Variants in MTHFD2L observed in about 807,000 individuals in gnomAD.
MTHFD2L encodes methylenetetrahydrofolate dehydrogenase (NADP+ dependent) 2 like.
Under a neutral mutation model 34.9 loss-of-function variants are expected in MTHFD2L, and 29 were observed. The observed-to-expected ratio is 0.83, with a 90% CI of 0.62 to 1.13. MTHFD2L has a LOEUF of 1.13. MTHFD2L is among the 50% of genes most tolerant of loss of function. The pLI, the probability that MTHFD2L is intolerant of heterozygous loss-of-function variation, is 0.00. For synonymous variants in MTHFD2L, 167 were observed against 155.7 expected (o/e 1.07, Z -0.54); for missense variants, 481 against 446.5 (o/e 1.08, Z -0.70).
At chr4:74,292,100 C>T (rs1024663109) in intron 7 of MTHFD2L, among the ~76,000 whole-genome samples, 2 of 152,118 alleles carry the variant, frequency 1.3e-5, no homozygotes, top group Non-Finnish European at 2.9e-5. Context: ...GAGCATTTCA[C>T]GAAACAGGTA....
At chr4:74,151,482 G>C (rs1723938277) in intron 1 of MTHFD2L, among the ~76,000 whole-genome samples, 2 of 152,162 alleles carry the variant, frequency 1.3e-5, no homozygotes, top group Admixed American at 1.3e-4. Context: ...TGTGGGCACT[G>C]GTTTCACACT....
intron 6 of MTHFD2L, among the ~76,000 whole-genome samples, chr4:74,266,064 C>G (rs1023619113): frequency 2.0e-5 from 3 of 152,160 alleles, no homozygotes; most frequent in African/African-American, 7.2e-5. Flanking sequence ...ACCAATGATT[C>G]AGACCATTGT....
intron 1 of MTHFD2L, among the ~76,000 whole-genome samples, chr4:74,149,496 C>T (rs745594671): frequency 5.9e-5 from 9 of 152,176 alleles, no homozygotes; most frequent in Non-Finnish European, 7.3e-5. Context: ...TTGAAGACTG[C>T]ATCCAGCTCA....
At chr4:74,168,538 C>A (rs1380426264) in intron 1 of MTHFD2L, among the ~76,000 whole-genome samples, 1 of 152,140 alleles carries the variant, frequency 6.6e-6, no homozygotes, top group Non-Finnish European at 1.5e-5. Context: ...TGTTGTTTTT[C>A]AATTTGCTTA....
intron 3 of MTHFD2L, among the ~76,000 whole-genome samples, chr4:74,188,740 GTA>G (rs3051361): frequency 0.94 from 92,185 of 98,408 alleles, 44,399 homozygotes; most frequent in Non-Finnish European, 0.99. Context: ...GTATACATAT[GTA>G]TATATATATG....
intron 6 of MTHFD2L, among the ~76,000 whole-genome samples, chr4:74,256,524 T>C (rs986710724): frequency 5.3e-5 from 8 of 152,230 alleles, no homozygotes; most frequent in Non-Finnish European, 1.2e-4. Flanking sequence ...TCTTATAGTT[T>C]GAGGCCTTAT....
At chr4:74,217,524 A>T (rs1737400157) in intron 5 of MTHFD2L, among the ~76,000 whole-genome samples, 2 of 151,656 alleles carry the variant, frequency 1.3e-5, no homozygotes. Context: ...TCTCCTTTAA[A>T]CCACACCGTG....
At chr4:74,202,887 C>A (rs926559983) in intron 5 of MTHFD2L, among the ~76,000 whole-genome samples, 1 of 152,114 alleles carries the variant, frequency 6.6e-6, no homozygotes, top group Admixed American at 6.6e-5. Flanking sequence ...TGCACACATG[C>A]ATGCACACAC....
Position 74,242,628 on chromosome 4 carries a change from C to A in MTHFD2L, c.805+17234C>A, listed in dbSNP as rs1193674240. On this transcript the variant is annotated intron_variant, in intron 6 of 7. Coordinates refer to ENST00000325278, the MANE Select transcript of MTHFD2L (RefSeq NM_001144978.3). Reference sequence around the variant, plus strand: ...CCAAGTCTGTCTTACTCTAAAGCTCCTGATATTGATTCTTTATTCTGTTTT... The same window carrying A: ...CCAAGTCTGTCTTACTCTAAAGCTCATGATATTGATTCTTTATTCTGTTTT... Among the ~76,000 whole-genome samples the A allele has an allele frequency of 2.0e-5, 3 of 152,176 alleles. No individual in the cohort carries two copies. The East Asian group carries it at 5.8e-4, about 29-fold the overall frequency.
At chr4:74,238,433 T>C (rs1741169572) in intron 6 of MTHFD2L, among the ~76,000 whole-genome samples, 1 of 152,146 alleles carries the variant, frequency 6.6e-6, no homozygotes. Context: ...GACATAGGCA[T>C]GGGCAAGGAC....
At chr4:74,239,621 ACT>A (rs1164905638) in intron 6 of MTHFD2L, among the ~76,000 whole-genome samples, 1 of 152,204 alleles carries the variant, frequency 6.6e-6, no homozygotes, top group Non-Finnish European at 1.5e-5. Context: ...ATTAACGAGT[ACT>A]GTGCAGAAGT....
rs770388057 is a variant in MTHFD2L, at chr4:74,253,668, A to G, written c.806-27757A>G. 3.3e-5 allele frequency among the ~76,000 whole-genome samples: 5 copies of G among 152,122 alleles called. No homozygotes were observed. The South Asian group carries it at 1.0e-3, about 32-fold the overall frequency. The stretch of plus-strand genomic sequence containing the variant: ...GGCCACCACCATGGCCCCAGGCTCC[A>G]GGCAAGCACCAGAGGACCATAACCC... On this transcript the variant is annotated intron_variant, in intron 6 of 7. Transcript: ENST00000325278.
At chr4:74,297,723 A>G (rs961734628) in intron 7 of MTHFD2L, among the ~76,000 whole-genome samples, 18 of 152,086 alleles carry the variant, frequency 1.2e-4, no homozygotes, top group African/African-American at 2.9e-4. Flanking sequence ...TTCAGGCATG[A>G]TTGGGGAAGA....
intron 6 of MTHFD2L, among the ~76,000 whole-genome samples, chr4:74,274,068 T>C (rs1746320746): frequency 6.6e-6 from 1 of 151,996 alleles, no homozygotes; most frequent in African/African-American, 2.4e-5. Flanking sequence ...GCCAGGCTGG[T>C]CTCAAACTCC....
At chr4:74,172,573 TG>T (rs1470321304) in intron 1 of MTHFD2L, among the ~76,000 whole-genome samples, 12 of 152,214 alleles carry the variant, frequency 7.9e-5, no homozygotes, top group Admixed American at 7.9e-4. Flanking sequence ...TACACTTTTA[TG>T]GTAAACTAAA....
intron 3 of MTHFD2L, among the ~76,000 whole-genome samples, chr4:74,177,901 C>T (rs947350880): frequency 6.6e-6 from 1 of 151,958 alleles, no homozygotes; most frequent in African/African-American, 2.4e-5. Flanking sequence ...TATATATACA[C>T]TATGAAATAA....
rs555265379 is a variant in MTHFD2L at position 74,231,795 on chromosome 4, A to G, written c.805+6401A>G. Among the ~76,000 whole-genome samples, 249 of 152,288 alleles carry G rather than the reference A, an allele frequency of 1.6e-3. No individual in the cohort carries two copies. The Middle Eastern group carries it at 0.017, about 10-fold the overall frequency. The stretch of plus-strand genomic sequence containing the variant: ...TAGCGATGTCTACTTTATATTTTTG[A>G]TCTTAACTATGCTGATCTAAGTAGA... On this transcript the variant is annotated intron_variant, in intron 6 of 7. Transcript: ENST00000325278.
At chr4:74,138,583 G>A (rs184071701) in intron 1 of MTHFD2L, among the ~76,000 whole-genome samples, 4 of 152,164 alleles carry the variant, frequency 2.6e-5, no homozygotes, top group Admixed American at 6.6e-5. Flanking sequence ...CCTTTAGCCC[G>A]ATCCAGAGCG....
intron 7 of MTHFD2L, among the ~76,000 whole-genome samples, chr4:74,301,329 T>C (rs1750290947): frequency 6.6e-6 from 1 of 152,120 alleles, no homozygotes; most frequent in African/African-American, 2.4e-5. Context: ...TTCTATATTC[T>C]ATGTCCCTGT....
Sources: allele counts gnomAD v4.1 joint callset (sites outside exome capture counted in the v4.1 genomes callset), GRCh38; gene constraint gnomAD v4.1.1; transcripts MANE v1.5; gene names NCBI Gene and HGNC (gene_info 2026-07-23, HGNC 2026-07-21).